The following AHCYL2 variants were observed in gnomAD, a reference collection of about 807,000 sequenced individuals.
AHCYL2 encodes S-adenosylhomocysteine hydrolase-like protein 2.
AHCYL2 carries 28 observed loss-of-function variants against 81.4 expected under a neutral mutation model. The ratio of observed to expected loss-of-function variants is 0.34; its 90% CI spans 0.25 to 0.47. AHCYL2 has a LOEUF of 0.47. Among genes scored for constraint, AHCYL2 ranks in the 20% least tolerant of loss-of-function variants. The pLI is 1.00. For missense variants in AHCYL2, 551 were observed against 785.1 expected, an observed-to-expected ratio of 0.70 and a Z score of 3.56; for synonymous variants, 272 against 290.2, an observed-to-expected ratio of 0.94 and a Z score of 0.64.
intron 1 of AHCYL2, among the ~76,000 whole-genome samples, chr7:129,330,921 C>T (rs1798396877): frequency 6.6e-6 from 1 of 152,216 alleles, no homozygotes; most frequent in East Asian, 1.9e-4. Flanking sequence ...TCATAAACAA[C>T]TTCTATACCT....
At chr7:129,323,702 T>C (rs914352695) in intron 1 of AHCYL2, among the ~76,000 whole-genome samples, 1 of 152,216 alleles carries the variant, frequency 6.6e-6, no homozygotes, top group Non-Finnish European at 1.5e-5. Context: ...TTGGCAGTTT[T>C]GTCAGTGTTT....
At chr7:129,225,553 G>A in intron 1 of AHCYL2, 114 bp downstream of exon 1, 1 of 1,386,668 alleles carries the variant, frequency 7.2e-7, no homozygotes, top group Non-Finnish European at 9.3e-7. Flanking sequence ...CAGGACCGGA[G>A]ATACCCCTTG....
At chr7:129,350,803 A>C (rs1793535559) in intron 1 of AHCYL2, among the ~76,000 whole-genome samples, 1 of 149,546 alleles carries the variant, frequency 6.7e-6, no homozygotes, top group South Asian at 2.1e-4. Context: ...TCCCAGGTTC[A>C]AGTGCTTCTC....
chr7:129,381,780 C>T (rs1794965338), intron 2 of AHCYL2, among the ~76,000 whole-genome samples: 1 of 152,112 alleles, frequency 6.6e-6, no homozygotes, highest in South Asian at 2.1e-4. Flanking sequence ...GGATCTATTT[C>T]AGATTAGGTA....
intron 1 of AHCYL2, among the ~76,000 whole-genome samples, chr7:129,265,108 A>G (rs1328845451): frequency 6.6e-6 from 1 of 152,194 alleles, no homozygotes; most frequent in Non-Finnish European, 1.5e-5. Context: ...AACATTTACA[A>G]GATTGGTGTG....
chr7:129,267,230 GGTGTGTGTGTGTGT>G (rs769745702), intron 1 of AHCYL2, among the ~76,000 whole-genome samples: 3 of 59,158 alleles, frequency 5.1e-5, no homozygotes, highest in Non-Finnish European at 8.5e-5. Flanking sequence ...TCACTCAAGG[GGTGTGTGTGTGTGT>G]GTGTGTGTGT....
Position 129,426,367 on chromosome 7 carries a change from A to C in AHCYL2, c.1709-76A>C. Reference sequence around the variant, plus strand: ...TTAGAAGGTGTCTTTGAACTTTTTAAGGCCTAGCTTGGGGACAATAGCCAT... The same window carrying C: ...TTAGAAGGTGTCTTTGAACTTTTTACGGCCTAGCTTGGGGACAATAGCCAT... On this transcript the variant is annotated intron_variant, in intron 15 of 16. Transcript: ENST00000325006. The surrounding 1 kb of genome is among the most constrained non-coding windows in gnomAD (Gnocchi z 4.3). The C allele has an allele frequency of 2.5e-6, 4 of 1,610,064 alleles. No homozygotes were observed. The highest frequency in any genetic ancestry group is 3.4e-6 in the Non-Finnish European group (4 of 1,177,148).
chr7:129,375,509 A>G (rs1326948481), intron 1 of AHCYL2: 2 of 642,150 alleles, frequency 3.1e-6, no homozygotes, highest in Non-Finnish European at 4.0e-6. Context: ...CAGTGGTTAT[A>G]TAAATAAGCT....
chr7:129,248,098 C>A, intron 1 of AHCYL2, among the ~76,000 whole-genome samples: 1 of 152,224 alleles, frequency 6.6e-6, no homozygotes, highest in East Asian at 1.9e-4. Context: ...GTTGAAAGAA[C>A]TATCCTTTCC....
chr7:129,234,313 C>T (rs930479962), intron 1 of AHCYL2, among the ~76,000 whole-genome samples: 3 of 152,030 alleles, frequency 2.0e-5, no homozygotes, highest in Non-Finnish European at 4.4e-5. Flanking sequence ...GGCACTATCT[C>T]GGCTCACTGC....
Position 129,425,048 on chromosome 7 carries a change from T to C in AHCYL2, c.1630-15T>C, listed in dbSNP as rs1364727593. On this transcript the variant is annotated splice_polypyrimidine_tract_variant and intron_variant, in intron 14 of 16. Transcript: ENST00000325006. ...CATGAATGGCACATCAGCATCCATC[T>C]CTCTGCTTTTCTAGGCTCTTGCCTT... 1.7e-5 allele frequency: 27 copies of C among 1,613,664 alleles called. No individual in the cohort carries two copies. The highest frequency in any genetic ancestry group is 2.2e-5 in the Non-Finnish European group (26 of 1,179,848).
intron 1 of AHCYL2, among the ~76,000 whole-genome samples, chr7:129,340,035 C>G (rs1185752001): frequency 6.7e-6 from 1 of 149,192 alleles, no homozygotes; most frequent in Non-Finnish European, 1.5e-5. Flanking sequence ...TCTTCTGCCT[C>G]AGCCTCCCTA....
intron 1 of AHCYL2, among the ~76,000 whole-genome samples, chr7:129,327,664 C>A (rs750087691): frequency 6.6e-6 from 1 of 152,132 alleles, no homozygotes; most frequent in Non-Finnish European, 1.5e-5. Context: ...CGAGGTTTTA[C>A]CATCTTGGCC....
At position 129,225,480 on chromosome 7, in the gene AHCYL2, G is replaced by T. The variant is rs188817853; in HGVS notation, c.363+41G>T. ...TGCCTCTCTAGGAGAGGAAGGGAGG[G>T]GAGGGGAACTGCAGATCCTCTCGGC... On this transcript the variant is annotated intron_variant, in intron 1 of 16. Transcript: ENST00000325006. The T allele has an allele frequency of 2.1e-3, 3,136 of 1,467,458 alleles. 172 individuals carry two copies. In the Admixed American group the frequency reaches 0.071, roughly 33 times the overall value. The allele number at this position is 1,467,458 out of a possible 1,614,324, so 90.9% of individuals were successfully genotyped here. A position where few individuals can be genotyped will look rare whatever the true frequency, so the allele number is the denominator to read the frequency against.
chr7:129,353,938 T>C (rs778869705), intron 1 of AHCYL2, among the ~76,000 whole-genome samples: 4 of 150,542 alleles, frequency 2.7e-5, no homozygotes, highest in Non-Finnish European at 5.9e-5. Context: ...AGGAAGAGAG[T>C]CTTTCAAGGA....
chr7:129,362,482 A>G (rs1793963660), intron 1 of AHCYL2, among the ~76,000 whole-genome samples: 1 of 152,048 alleles, frequency 6.6e-6, no homozygotes, highest in East Asian at 1.9e-4. Flanking sequence ...AGGTCCAGCA[A>G]TTCCAGCCAG....
intron 1 of AHCYL2, among the ~76,000 whole-genome samples, chr7:129,346,457 A>G (rs1306962713): frequency 1.3e-5 from 2 of 152,212 alleles, no homozygotes; most frequent in African/African-American, 4.8e-5. Context: ...CAACCTGATT[A>G]AAAAGTGGGC....
chr7:129,271,524 A>G (rs1392251386), intron 1 of AHCYL2, among the ~76,000 whole-genome samples: 6 of 152,308 alleles, frequency 3.9e-5, no homozygotes, highest in African/African-American at 1.4e-4. Flanking sequence ...GCTGCTATGC[A>G]TAAGATCATG....
intron 4 of AHCYL2, among the ~76,000 whole-genome samples, chr7:129,393,903 T>C (rs569605248): frequency 5.3e-5 from 8 of 152,326 alleles, no homozygotes; most frequent in African/African-American, 1.7e-4. Flanking sequence ...AGGGAAAGAA[T>C]CCATAGACTC....
Sources: allele counts gnomAD v4.1 joint callset (sites outside exome capture counted in the v4.1 genomes callset), GRCh38; gene constraint gnomAD v4.1.1; non-coding constraint Gnocchi (gnomAD v3.1); transcripts MANE v1.5; gene names NCBI Gene and HGNC (gene_info 2026-07-23, HGNC 2026-07-21).